Variants in SNX25 observed in about 807,000 individuals in gnomAD.
The protein encoded by SNX25 is sorting nexin-25.
A neutral mutation model predicts 113.7 loss-of-function variants in SNX25; 62 were observed. That is an observed-to-expected ratio of 0.55 (90% confidence interval 0.44 to 0.67). The LOEUF is 0.67. Ranked by LOEUF, SNX25 falls within the 30% of genes least tolerant of loss-of-function variation. The pLI is 0.00. For missense variants in SNX25, 1,014 were observed against 1,161.0 expected, an observed-to-expected ratio of 0.87 and a Z score of 1.84; for synonymous variants, 421 against 436.2, an observed-to-expected ratio of 0.97 and a Z score of 0.43.
At chr4:185,242,378 C>A (rs1051479614) in intron 1 of SNX25, among the ~76,000 whole-genome samples, 7 of 152,126 alleles carry the variant, frequency 4.6e-5, no homozygotes, top group Admixed American at 6.5e-5. Flanking sequence ...CTCAACCCCC[C>A]ACCCCCAACG....
rs567356664 is a variant in SNX25 at position 185,310,647 on chromosome 4, C to A, written c.1175C>A (p.Ala392Glu). ...ACTCCTATTCAAGGTAAAGAAACTG[C>A]GGCAATGAAAGCTGATCTCCTGAGG... ...QLKRHKGKET[A>E]AMKADLLRAR... The change falls in exon 7 of 19, where the codon GCG becomes GAG. Residue 392 changes from alanine (A) to glutamate (E), a missense_variant. By Grantham distance (107) the Ala-to-Glu change is moderately radical. Transcript: ENST00000652585. 5 of 1,612,362 alleles carry A rather than the reference C, an allele frequency of 3.1e-6. No homozygotes were observed. Among genetic ancestry groups the A allele is most frequent in the South Asian group, 1.1e-5 (1 of 90,500 alleles).
rs527393807 is a variant in SNX25, at chr4:185,260,508, A to G, written c.731+1444A>G. 2.6e-5 allele frequency among the ~76,000 whole-genome samples: 4 copies of G among 152,360 alleles called. No individual in the cohort carries two copies. In the South Asian group the frequency reaches 8.3e-4, roughly 32 times the overall value. ...ATGGAATGGGCAAATGATCGAAATC[A>G]GAGCTTTTTTTTCCTCAGGAGAGCC... On this transcript the variant is annotated intron_variant, in intron 3 of 18. Coordinates refer to ENST00000652585, the MANE Select transcript of SNX25 (RefSeq NM_001378034.2).
rs113443670 is a variant in SNX25 at position 185,336,779 on chromosome 4, C to T, written c.1915-2600C>T. On this transcript the variant is annotated intron_variant, in intron 10 of 18. Coordinates refer to ENST00000652585, the MANE Select transcript of SNX25 (RefSeq NM_001378034.2). The stretch of plus-strand genomic sequence containing the variant: ...TTGTACTAGTTTACGTTCCCACCAA[C>T]GGTGTAAAAATGTTCCCTTTTTACC... Among the ~76,000 whole-genome samples the T allele has an allele frequency of 2.5e-4, 38 of 152,314 alleles. 1 individual carries two copies. The highest frequency in any genetic ancestry group is 7.7e-4 in the African/African-American group (32 of 41,572).
chr4:185,232,462 AG>A lies in SNX25; in HGVS notation c.430-14830del, dbSNP rs1474315230. On this transcript the variant is annotated intron_variant, in intron 1 of 18. Transcript: ENST00000652585. The surrounding 1 kb of genome is among the most constrained non-coding windows in gnomAD (Gnocchi z 4.4). ...TCCTGTTTGCTTATCATGACTTTCT[AG>A]GTGCATGAGCCGTGCAGTTTGTCAT... Among the ~76,000 whole-genome samples, 1 of 152,130 alleles carries A rather than the reference AG, an allele frequency of 6.6e-6. No homozygotes were observed. Among genetic ancestry groups the A allele is most frequent in the African/African-American group, 2.4e-5 (1 of 41,408 alleles).
intron 5 of SNX25, 64 bp downstream of exon 5, chr4:185,267,219 TAA>T (rs57930723): frequency 0.037 from 45,970 of 1,242,050 alleles, no homozygotes; most frequent in South Asian, 0.048. Context: ...CTAGTTAGGT[TAA>T]AAAAAAAAAA....
Position 185,338,724 on chromosome 4 carries a change from G to T in SNX25, c.1915-655G>T, listed in dbSNP as rs2095245192. Among the ~76,000 whole-genome samples the T allele has an allele frequency of 2.0e-5, 3 of 152,278 alleles. No homozygotes were observed. In the South Asian group the frequency reaches 6.2e-4, roughly 32 times the overall value. ...TGTGAATGTCCAATTTTCCCAACATGATTTGTTGAAAACACTGTTCTTTCC... is the reference window on the plus strand; with the variant it reads ...TGTGAATGTCCAATTTTCCCAACATTATTTGTTGAAAACACTGTTCTTTCC... On this transcript the variant is annotated intron_variant, in intron 10 of 18. Transcript: ENST00000652585.
chr4:185,281,384 G>A (rs1189896882), intron 5 of SNX25, among the ~76,000 whole-genome samples: 1 of 152,044 alleles, frequency 6.6e-6, no homozygotes, highest in African/African-American at 2.4e-5. Context: ...AATTTAATGT[G>A]TATAACAACC....
At chr4:185,335,819 A>C (rs2095226472) in intron 10 of SNX25, among the ~76,000 whole-genome samples, 1 of 152,236 alleles carries the variant, frequency 6.6e-6, no homozygotes, top group Admixed American at 6.5e-5. Context: ...TCAGTGTAAC[A>C]TAGAGTGACA....
intron 2 of SNX25, among the ~76,000 whole-genome samples, chr4:185,257,777 C>T (rs1346361862): frequency 2.6e-5 from 4 of 152,026 alleles, no homozygotes. Flanking sequence ...TGGTCTATGG[C>T]TAGGCTTTCC....
chr4:185,347,563 C>T (rs576930216), intron 13 of SNX25, among the ~76,000 whole-genome samples: 8 of 152,162 alleles, frequency 5.3e-5, no homozygotes, highest in South Asian at 2.1e-4. Flanking sequence ...CTCTGCCTCC[C>T]GGGTTCAAGT....
intron 1 of SNX25, among the ~76,000 whole-genome samples, chr4:185,239,344 G>C (rs569167886): frequency 2.0e-5 from 3 of 152,064 alleles, no homozygotes; most frequent in Non-Finnish European, 4.4e-5. Flanking sequence ...TTAGCCGGGC[G>C]TGGTGGTGGG....
chr4:185,369,357 A>G lies in SNX25; in HGVS notation c.*1005-393A>G, dbSNP rs542058903. The stretch of plus-strand genomic sequence containing the variant: ...CTCAGCCTCGCGAGTAGCTGGGTTT[A>G]CAGGCACACATTGCCATGCCTGGCT... On this transcript the variant is annotated intron_variant and NMD_transcript_variant, in intron 11 of 11. Transcript: ENST00000504959. 1.6e-4 allele frequency among the ~76,000 whole-genome samples: 23 copies of G among 141,560 alleles called. No homozygotes were observed. In the South Asian group the frequency reaches 2.2e-3, roughly 13 times the overall value. 92.9% of individuals were successfully genotyped at this position (141,560 alleles called of 152,430 possible). A position where few individuals can be genotyped will look rare whatever the true frequency, so the allele number is the denominator to read the frequency against.
rs79050247 is a variant in SNX25 at position 185,279,762 on chromosome 4, A to G, written c.1092-8250A>G. ...TAAATTATTACCTTTTTGTGACACA[A>G]TTTTGTAGTGTGGAAATGGGCATTC... On this transcript the variant is annotated intron_variant, in intron 5 of 18. Transcript: ENST00000652585. Among the ~76,000 whole-genome samples the G allele has an allele frequency of 2.8e-3, 431 of 152,222 alleles. 13 individuals are homozygous for G. The South Asian group carries it at 0.055, about 19-fold the overall frequency.
intron 1 of SNX25, among the ~76,000 whole-genome samples, chr4:185,240,850 C>T (rs1487471837): frequency 2.7e-5 from 4 of 150,566 alleles, no homozygotes; most frequent in East Asian, 2.0e-4. Flanking sequence ...ACGGGGCGGC[C>T]GGGCAGAGAC....
chr4:185,277,424 A>G (rs188400158), intron 5 of SNX25, among the ~76,000 whole-genome samples: 1 of 152,310 alleles, frequency 6.6e-6, no homozygotes, highest in East Asian at 1.9e-4. Context: ...GAAGAGTGGT[A>G]GAAGATGTGT....
chr4:185,362,983 C>A (rs1489218386), intron 18 of SNX25, among the ~76,000 whole-genome samples: 1 of 152,016 alleles, frequency 6.6e-6, no homozygotes, highest in African/African-American at 2.4e-5. Flanking sequence ...GCTGGGATTA[C>A]AGGCATGCAC....
chr4:185,287,608 T>A (rs1751517691), intron 5 of SNX25, among the ~76,000 whole-genome samples: 2 of 152,210 alleles, frequency 1.3e-5, no homozygotes, highest in Non-Finnish European at 2.9e-5. Flanking sequence ...ACTAAACGTT[T>A]ATTAATTTAA....
chr4:185,260,148 A>T (rs942352770), intron 3 of SNX25, among the ~76,000 whole-genome samples: 5 of 152,028 alleles, frequency 3.3e-5, no homozygotes, highest in African/African-American at 7.3e-5. Flanking sequence ...ACGTTTTTTT[A>T]AAAATAATGT....
chr4:185,324,970 A>T (rs1223787321), intron 9 of SNX25, among the ~76,000 whole-genome samples: 1 of 152,196 alleles, frequency 6.6e-6, no homozygotes, highest in Non-Finnish European at 1.5e-5. Flanking sequence ...AAAAAGGTTA[A>T]TTAGGCAGGG....
Sources: gnomAD v4.1 joint callset for allele counts (sites outside exome capture counted in the v4.1 genomes callset) on GRCh38, gnomAD v4.1.1 for gene constraint, Gnocchi (gnomAD v3.1) non-coding constraint, MANE v1.5 for transcripts, NCBI Gene and HGNC (gene_info 2026-07-23, HGNC 2026-07-21) for gene names.